LAMA1: variants seen among roughly 807,000 people sequenced by gnomAD.
LAMA1 encodes the protein laminin subunit alpha-1.
A neutral mutation model predicts 348.7 loss-of-function variants in LAMA1; 219 were observed. The observed-to-expected ratio is 0.63, with a 90% confidence interval of 0.56 to 0.70. LAMA1 has a LOEUF of 0.70. Ranked by LOEUF, LAMA1 falls within the 30% of genes least tolerant of loss-of-function variation. The pLI is 0.00. For synonymous variants in LAMA1, 1,487 were observed against 1,491.0 expected, an observed-to-expected ratio of 1.00 and a Z score of 0.06; for missense variants, 3,744 against 3,888.0, an observed-to-expected ratio of 0.96 and a Z score of 0.99.
At chr18:7,000,888 C>T (rs921505700) in intron 30 of LAMA1, among the ~76,000 whole-genome samples, 2 of 152,154 alleles carry the variant, frequency 1.3e-5, no homozygotes, top group African/African-American at 2.4e-5. Context: ...GAAAATAAAG[C>T]GTGTGTTTTA....
At position 7,050,851 on chromosome 18, in the gene LAMA1, G is replaced by A; in HGVS notation, c.431C>T (p.Thr144Ile). The A allele has an allele frequency of 6.2e-7, 1 of 1,614,188 alleles. No individual in the cohort carries two copies. Among genetic ancestry groups the A allele is most frequent in the Non-Finnish European group, 8.5e-7 (1 of 1,180,036 alleles). Residue 144 changes from threonine (T) to isoleucine (I), a missense_variant, in exon 4 of 63, where the codon ACC becomes ATC. Thr to Ile is a moderately conservative substitution (Grantham distance 89). Coordinates refer to ENST00000389658, the MANE Select transcript of LAMA1 (RefSeq NM_005559.4). ...NWILERSLDG[T>I]TFSPWQYYAV... is the part of the protein sequence containing the mutation. ...ATAATACTGCCAGGGGCTGAACGTG[G>A]TGCCATCCAGAGAACGCTCCAAAAT... is the stretch of plus-strand genomic sequence containing the variant.
At chr18:7,029,167 A>G (rs2057957499) in intron 16 of LAMA1, among the ~76,000 whole-genome samples, 2 of 152,162 alleles carry the variant, frequency 1.3e-5, no homozygotes, top group Admixed American at 1.3e-4. Context: ...TGGAATATGA[A>G]TCTATTAATA....
intron 1 of LAMA1, among the ~76,000 whole-genome samples, chr18:7,082,948 A>G (rs1046312147): frequency 2.1e-5 from 3 of 142,454 alleles, no homozygotes; most frequent in Non-Finnish European, 4.4e-5. Context: ...CTACCTCCCA[A>G]TCTGAGTAAC....
chr18:6,963,230 T>G (rs2057616641), intron 51 of LAMA1, among the ~76,000 whole-genome samples: 1 of 152,162 alleles, frequency 6.6e-6, no homozygotes, highest in Admixed American at 6.5e-5. Flanking sequence ...GATATGGGCT[T>G]CTGTCCTTTC....
rs547255384 is a variant in LAMA1, at chr18:6,959,637, TAC to T, written c.7627-147_7627-146del. On this transcript the variant is annotated intron_variant, in intron 53 of 62. Coordinates refer to ENST00000389658, the MANE Select transcript of LAMA1 (RefSeq NM_005559.4). ...AGAATCTCTTCAGCTGTCACAATGTTACATTTTGTATGTTACTTTCTAATCTC... is the reference window on the plus strand; with the variant it reads ...AGAATCTCTTCAGCTGTCACAATGTTATTTTGTATGTTACTTTCTAATCTC... 4.3e-4 allele frequency: 348 copies of T among 809,678 alleles called. 1 individual carries two copies. The East Asian group carries it at 9.1e-3, about 21-fold the overall frequency. The allele number at this position is 809,678 out of a possible 1,614,324, so 50.2% of individuals were successfully genotyped here. A position where few individuals can be genotyped will look rare whatever the true frequency, so the allele number is the denominator to read the frequency against.
Position 7,034,609 on chromosome 18 carries a change from C to A in LAMA1, c.1921G>T (p.Val641Leu), listed in dbSNP as rs766665086. 6.6e-5 allele frequency: 107 copies of A among 1,614,068 alleles called. No individual in the cohort carries two copies. The highest frequency in any genetic ancestry group is 8.9e-5 in the Non-Finnish European group (105 of 1,180,036). Residue 641 changes from valine to leucine, a missense_variant, in exon 14 of 63, where the codon GTG becomes TTG. Around this residue, in one of 3 missense-constraint regions of LAMA1, gnomAD observed 1,529 missense variants for 1,689.4 expected, o/e 0.91. Transcript: ENST00000389658. ...TGAAAATCTTGGAAGTTTTCAGGCA[C>A]AAGTCTAACCACGTTTAGGTACTCT... ...YEEYLNVVRLVPENFQDFHSK... is the reference protein window; with the variant it reads ...YEEYLNVVRLLPENFQDFHSK...
intron 16 of LAMA1, among the ~76,000 whole-genome samples, chr18:7,029,265 G>C (rs1276263723): frequency 6.6e-6 from 1 of 152,146 alleles, no homozygotes; most frequent in African/African-American, 2.4e-5. Flanking sequence ...CCCAGGTGAT[G>C]CCCACACTGC....
At chr18:7,023,119 C>T (rs1417811413) in intron 19 of LAMA1, 45 bp downstream of exon 19, 3 of 1,581,054 alleles carry the variant, frequency 1.9e-6, no homozygotes, top group Non-Finnish European at 2.6e-6. Flanking sequence ...TGAAGACTTC[C>T]TATGGCAATA....
chr18:6,951,276 G>T (rs2057545500), intron 57 of LAMA1, among the ~76,000 whole-genome samples: 1 of 152,284 alleles, frequency 6.6e-6, no homozygotes, highest in Admixed American at 6.5e-5. Context: ...CCAACCAGTG[G>T]CTACCTTAAG....
At chr18:6,969,028 T>C (rs544536885) in intron 48 of LAMA1, among the ~76,000 whole-genome samples, 33 of 152,322 alleles carry the variant, frequency 2.2e-4, no homozygotes, top group Non-Finnish European at 4.3e-4. Context: ...GTGGGGGATG[T>C]TACCTAAAAT....
chr18:6,949,059 A>C lies in LAMA1; in HGVS notation c.8556+42T>G, dbSNP rs500360. 0.014 allele frequency: 22,005 copies of C among 1,612,966 alleles called. 2,566 individuals carry two copies. In the African/African-American group the frequency reaches 0.25, roughly 19 times the overall value. Reference sequence around the variant, plus strand: ...ATGCTCTTCTACAAAATAAACACGAACACAACGAAGGTAAAATGTCAGTAT... The same window carrying C: ...ATGCTCTTCTACAAAATAAACACGACCACAACGAAGGTAAAATGTCAGTAT... On this transcript the variant is annotated intron_variant, in intron 59 of 62. Transcript: ENST00000389658.
At chr18:7,107,141 C>G (rs1359230440) in intron 1 of LAMA1, among the ~76,000 whole-genome samples, 1 of 123,096 alleles carries the variant, frequency 8.1e-6, no homozygotes, top group Non-Finnish European at 1.6e-5. Flanking sequence ...TTTTTTGAGA[C>G]GGAGTCTCAC....
At chr18:6,971,765 T>C in intron 48 of LAMA1, 92 bp downstream of exon 48, 1 of 1,559,014 alleles carries the variant, frequency 6.4e-7, no homozygotes, top group Non-Finnish European at 8.8e-7. Flanking sequence ...CAAACTCTAT[T>C]CCTTGACGTG....
At chr18:6,997,613 C>T (rs2057787597) in intron 33 of LAMA1, 129 bp downstream of exon 33, 2 of 961,058 alleles carry the variant, frequency 2.1e-6, no homozygotes, top group African/African-American at 1.6e-5. Context: ...GGACACCTGC[C>T]CGCAGGGGCT....
intron 29 of LAMA1, among the ~76,000 whole-genome samples, chr18:7,006,872 T>C (rs572614): frequency 0.94 from 143,297 of 152,306 alleles, 67,522 homozygotes; most frequent in East Asian, 1. Flanking sequence ...TTGATGAAAA[T>C]GTCATTATTT....
intron 3 of LAMA1, among the ~76,000 whole-genome samples, chr18:7,063,553 G>A (rs2058110808): frequency 1.3e-5 from 2 of 152,144 alleles, no homozygotes; most frequent in Non-Finnish European, 2.9e-5. Context: ...GTACACCAAT[G>A]TTCACAGCAG....
At chr18:7,057,526 G>T (rs2058086995) in intron 3 of LAMA1, among the ~76,000 whole-genome samples, 2 of 139,284 alleles carry the variant, frequency 1.4e-5, no homozygotes, top group Non-Finnish European at 3.0e-5. Flanking sequence ...CCAGGCTGGA[G>T]TGCAATGGCG....
intron 1 of LAMA1, among the ~76,000 whole-genome samples, chr18:7,088,629 T>C (rs908902849): frequency 2.1e-4 from 32 of 152,114 alleles, no homozygotes; most frequent in African/African-American, 6.5e-4. Context: ...GCGATCCTCC[T>C]ACCTCAGCCT....
intron 1 of LAMA1, among the ~76,000 whole-genome samples, chr18:7,106,296 A>G (rs1469267433): frequency 2.0e-5 from 3 of 151,884 alleles, no homozygotes; most frequent in Non-Finnish European, 4.4e-5. Context: ...GCATTCACCT[A>G]CAAAGTTTAT....
Sources: allele counts gnomAD v4.1 joint callset (sites outside exome capture counted in the v4.1 genomes callset), GRCh38; gene constraint gnomAD v4.1.1; regional missense constraint gnomAD v4.1.1; transcripts MANE v1.5; gene names NCBI Gene and HGNC (gene_info 2026-07-23, HGNC 2026-07-21).